The following SYT1 variants were observed in gnomAD, a reference collection of about 807,000 sequenced individuals.
The protein encoded by SYT1 is synaptotagmin-1.
In SYT1, 8 loss-of-function variants were observed where a neutral mutation model predicts 44.8. That is an observed-to-expected ratio of 0.18 (90% CI 0.10 to 0.32). The LOEUF (loss-of-function observed/expected upper bound fraction) is 0.32, where lower values mean the gene tolerates loss of function less well. Ranked by LOEUF, SYT1 falls within the 10% of genes least tolerant of loss-of-function variation. The probability of loss-of-function intolerance (pLI) is 1.00; values close to 1 mark genes in which losing one functional copy is unlikely to be tolerated. For synonymous variants in SYT1, 154 were observed against 188.8 expected, an observed-to-expected ratio of 0.82 and a Z score of 1.51; for missense variants, 286 against 509.3, an observed-to-expected ratio of 0.56 and a Z score of 4.22.
chr12:78,947,313 C>T (rs568620189), intron 1 of SYT1, among the ~76,000 whole-genome samples: 3 of 152,154 alleles, frequency 2.0e-5, no homozygotes, highest in South Asian at 4.2e-4. Flanking sequence ...TTTTCACTGG[C>T]AAAGCTCTTT....
chr12:78,905,656 G>T (rs1875937096), intron 1 of SYT1, among the ~76,000 whole-genome samples: 1 of 151,674 alleles, frequency 6.6e-6, no homozygotes, highest in African/African-American at 2.4e-5. Context: ...TCTTACTGTT[G>T]TTTATTTTCA....
At chr12:79,302,495 C>A (rs754724647) in intron 8 of SYT1, among the ~76,000 whole-genome samples, 7 of 152,004 alleles carry the variant, frequency 4.6e-5, no homozygotes, top group African/African-American at 7.3e-5. Flanking sequence ...AATGTGCAAG[C>A]AATTTAGAAA....
intron 3 of SYT1, among the ~76,000 whole-genome samples, chr12:79,128,418 A>T (rs566208012): frequency 6.6e-6 from 1 of 152,140 alleles, no homozygotes; most frequent in Non-Finnish European, 1.5e-5. Context: ...AGATAGATAG[A>T]TGATAGATAG....
intron 4 of SYT1, among the ~76,000 whole-genome samples, chr12:79,222,425 A>G (rs1259008950): frequency 6.9e-6 from 1 of 145,186 alleles, no homozygotes; most frequent in Non-Finnish European, 1.5e-5. Context: ...CTTGTTACCT[A>G]GACTGAGGTG....
chr12:79,168,527 A>G (rs1416737871), intron 3 of SYT1, among the ~76,000 whole-genome samples: 1 of 151,838 alleles, frequency 6.6e-6, no homozygotes, highest in Non-Finnish European at 1.5e-5. Flanking sequence ...TACTGGTGAC[A>G]TTTTAATTTT....
intron 3 of SYT1, among the ~76,000 whole-genome samples, chr12:79,087,023 T>A (rs1487086010): frequency 6.6e-6 from 1 of 152,106 alleles, no homozygotes; most frequent in Non-Finnish European, 1.5e-5. Context: ...AAAACCAGAG[T>A]TACAACAGTC....
In SYT1 at chr12:79,299,375, T is replaced by G; in HGVS notation, c.643-9T>G. 2 of 1,611,860 alleles carry G rather than the reference T, an allele frequency of 1.2e-6. No homozygotes were observed. The highest frequency in any genetic ancestry group is 2.2e-5 in the South Asian group (2 of 90,588). ...ACTGGATATTTTATCCTCATGTCTT[T>G]TAATTTAGGTACCATACTCGGAATT... On this transcript the variant is annotated splice_polypyrimidine_tract_variant and intron_variant, in intron 7 of 10. Coordinates refer to ENST00000261205, the MANE Select transcript of SYT1 (RefSeq NM_005639.3).
intron 8 of SYT1, among the ~76,000 whole-genome samples, chr12:79,341,919 C>T (rs943194322): frequency 2.0e-5 from 3 of 151,918 alleles, no homozygotes; most frequent in Non-Finnish European, 2.9e-5. Flanking sequence ...CCACCCGCCT[C>T]GTCATTCAGA....
At chr12:78,902,238 A>G (rs1372688712) in intron 1 of SYT1, among the ~76,000 whole-genome samples, 2 of 128,140 alleles carry the variant, frequency 1.6e-5, no homozygotes, top group African/African-American at 6.4e-5. Flanking sequence ...TGCTGATCAT[A>G]TAATCGCAAT....
intron 8 of SYT1, among the ~76,000 whole-genome samples, chr12:79,350,801 G>A (rs1882866539): frequency 1.3e-5 from 2 of 152,082 alleles, no homozygotes; most frequent in African/African-American, 4.8e-5. Context: ...ACAAGAAAAT[G>A]GTTAGTATAA....
chr12:79,210,252 T>A (rs1874360305), intron 3 of SYT1, among the ~76,000 whole-genome samples: 2 of 151,162 alleles, frequency 1.3e-5, no homozygotes, highest in African/African-American at 4.8e-5. Flanking sequence ...CATATCTCAT[T>A]TTTTTTTCAT....
intron 9 of SYT1, among the ~76,000 whole-genome samples, chr12:79,377,410 T>C (rs1222879408): frequency 6.6e-6 from 1 of 152,234 alleles, no homozygotes; most frequent in Non-Finnish European, 1.5e-5. Flanking sequence ...TTAAGGTGTT[T>C]ATTTTCTAAA....
At chr12:78,895,846 C>T (rs1434438859) in intron 1 of SYT1, among the ~76,000 whole-genome samples, 2 of 151,760 alleles carry the variant, frequency 1.3e-5, no homozygotes, top group Non-Finnish European at 2.9e-5. Context: ...CTAGAGAAAC[C>T]AGTCACTGTA....
intron 9 of SYT1, among the ~76,000 whole-genome samples, chr12:79,404,341 T>C (rs927321922): frequency 2.0e-5 from 3 of 152,144 alleles, no homozygotes; most frequent in African/African-American, 7.2e-5. Flanking sequence ...GTGGCCACTT[T>C]TGAGCAAGAA....
intron 3 of SYT1, among the ~76,000 whole-genome samples, chr12:79,072,672 T>C (rs574922334): frequency 5.3e-5 from 8 of 152,280 alleles, no homozygotes; most frequent in African/African-American, 1.9e-4. Flanking sequence ...AACAAAATGT[T>C]TTCCATGACA....
chr12:79,026,702 T>TATATATATATATATATATAAA (rs34140383), intron 2 of SYT1, among the ~76,000 whole-genome samples: 1 of 125,328 alleles, frequency 8.0e-6, no homozygotes, highest in Non-Finnish European at 1.7e-5. Context: ...TATATATATA[T>TATATATATATATATATATAAA]CACACTTTCA....
In SYT1 at chr12:79,198,320, C is replaced by A. The variant is rs145129773; in HGVS notation, c.-17-19183C>A. ...TAGAAAATTATTAATTCAGAAGTAA[C>A]CCATAACAACCACAGTGAACTTGTC... On this transcript the variant is annotated intron_variant, in intron 3 of 10. Transcript: ENST00000261205. Among the ~76,000 whole-genome samples the A allele has an allele frequency of 2.9e-3, 445 of 152,166 alleles. 3 individuals are homozygous for A. Among genetic ancestry groups the A allele is most frequent in the African/African-American group, 0.01 (419 of 41,544 alleles).
At chr12:79,301,772 A>T (rs1347167174) in intron 8 of SYT1, among the ~76,000 whole-genome samples, 1 of 152,106 alleles carries the variant, frequency 6.6e-6, no homozygotes, top group Non-Finnish European at 1.5e-5. Context: ...ATTAATGGGA[A>T]ATATTAATTT....
intron 9 of SYT1, among the ~76,000 whole-genome samples, chr12:79,427,309 T>C (rs557661320): frequency 2.6e-4 from 40 of 152,336 alleles, no homozygotes; most frequent in African/African-American, 9.1e-4. Flanking sequence ...GAGTAAATTA[T>C]GCCATTTAAG....
Sources: gnomAD v4.1 joint callset for allele counts (sites outside exome capture counted in the v4.1 genomes callset) on GRCh38, gnomAD v4.1.1 for gene constraint, MANE v1.5 for transcripts, NCBI Gene and HGNC (gene_info 2026-07-23, HGNC 2026-07-21) for gene names.